ITGA3: variants seen among roughly 807,000 people sequenced by gnomAD.
ITGA3 encodes integrin subunit alpha 3.
ITGA3 carries 70 observed loss-of-function variants against 131.1 expected under a neutral mutation model. The ratio of observed to expected loss-of-function variants is 0.53; its 90% CI spans 0.44 to 0.65. The LOEUF is 0.65. ITGA3 is among the 30% of genes least tolerant of loss of function. The pLI is 0.00. For missense variants in ITGA3, 1,098 were observed against 1,388.6 expected (o/e 0.79, Z 3.33); for synonymous variants, 537 against 571.6 (o/e 0.94, Z 0.86).
At position 50,070,882 on chromosome 17, in the gene ITGA3, T is replaced by C. The variant is rs539540896; in HGVS notation, c.703T>C (p.Ser235Pro). The C allele has an allele frequency of 5.0e-6, 8 of 1,612,796 alleles. No homozygotes were observed. The South Asian group carries it at 5.5e-5, about 11-fold the overall frequency. The change falls in exon 5 of 26, where the codon TCT (serine) becomes CCT (proline). Residue 235 changes from serine (S) to proline (P), a missense_variant. Ser to Pro is a moderately conservative substitution (Grantham distance 74). Coordinates refer to ENST00000320031, the MANE Select transcript of ITGA3 (RefSeq NM_002204.4). ...YMIQRKEWDLSEYSYKDPEDQ... is the reference protein window; with the variant it reads ...YMIQRKEWDLPEYSYKDPEDQ... ...GATTCAGCGCAAGGAGTGGGACTTA[T>C]CTGAGTATAGTTACAAGGACCCAGA...
intron 18 of ITGA3, 92 bp downstream of exon 18, chr17:50,078,376 C>G: frequency 9.9e-7 from 1 of 1,005,398 alleles, no homozygotes; most frequent in Non-Finnish European, 1.5e-6. Context: ...TCCTCTGACC[C>G]CTCTCTTGGC....
At chr17:50,060,284 C>T (rs763298924) in intron 1 of ITGA3, among the ~76,000 whole-genome samples, 6 of 152,220 alleles carry the variant, frequency 3.9e-5, no homozygotes, top group Non-Finnish European at 5.9e-5. Flanking sequence ...CATGGAGCCA[C>T]CAAGTGCCTC....
rs145299418 is a variant in ITGA3, at chr17:50,070,742, T to C, written c.665-102T>C. The stretch of plus-strand genomic sequence containing the variant: ...TCACCAATAAAAGGGGTTATTACTA[T>C]CCTTGTTGGGTGGGGGTGGGGGTGG... On this transcript the variant is annotated intron_variant, in intron 4 of 25. Coordinates refer to ENST00000320031, the MANE Select transcript of ITGA3 (RefSeq NM_002204.4). The C allele has an allele frequency of 8.5e-5, 53 of 623,226 alleles. 1 individual carries two copies. The African/African-American group carries it at 8.7e-4, about 10-fold the overall frequency. The allele number at this position is 623,226 out of a possible 1,614,324, so 38.6% of individuals were successfully genotyped here.
rs780510840 is a variant in ITGA3 at position 50,074,245 on chromosome 17, A to G, written c.1347A>G (p.Leu449=). 8.7e-6 allele frequency: 14 copies of G among 1,614,076 alleles called. No individual in the cohort carries two copies. In the East Asian group the frequency reaches 2.2e-4, roughly 26 times the overall value. The change falls in exon 9 of 26, where the codon CTA becomes CTG. Residue 449 remains leucine, a synonymous_variant. Transcript: ENST00000320031. ...DVDENFYPDL[L]VGSLSDHIVL... ...ATGAGAACTTCTACCCAGACCTTCT[A>G]GTGGGAAGCCTGTCAGACCACATTG...
intron 17 of ITGA3, 27 bp downstream of exon 17, chr17:50,078,152 G>A: frequency 1.9e-6 from 3 of 1,613,124 alleles, no homozygotes; most frequent in Non-Finnish European, 2.5e-6. Context: ...AGCCAGTCTG[G>A]GTCAGGGCTG....
chr17:50,064,582 G>A lies in ITGA3; in HGVS notation c.389G>A (p.Ser130Asn). 1 of 1,613,006 alleles carries A rather than the reference G, an allele frequency of 6.2e-7. No homozygotes were observed. The highest frequency in any genetic ancestry group is 8.5e-7 in the Non-Finnish European group (1 of 1,179,774). Residue 130 changes from serine (S) to asparagine (N), a missense_variant, in exon 3 of 26, where the codon AGC becomes AAC. By Grantham distance (46) the Ser-to-Asn change is conservative (BLOSUM62 1). This residue lies in a region of ITGA3 where 356 missense variants were observed against 529.2 expected (regional missense o/e 0.67). Coordinates refer to ENST00000320031, the MANE Select transcript of ITGA3 (RefSeq NM_002204.4). This position sits in a 1 kb window ranked among gnomAD's most constrained non-coding sequence, Gnocchi z 4.4. Reference sequence around the variant, plus strand: ...ATGTGGCTTGGAGTGACTGTGGCCAGCCAGGGCCCTGCAGGCAGAGTTCTG... The same window carrying A: ...ATGTGGCTTGGAGTGACTGTGGCCAACCAGGGCCCTGCAGGCAGAGTTCTG... ...EDMWLGVTVA[S>N]QGPAGRVLVC...
intron 6 of ITGA3, 90 bp downstream of exon 6, chr17:50,071,608 C>T: frequency 2.5e-6 from 3 of 1,216,252 alleles, no homozygotes; most frequent in East Asian, 2.5e-5. Flanking sequence ...GGAGGATTTG[C>T]AGTTGTGCGG....
intron 15 of ITGA3, 104 bp downstream of exon 15, chr17:50,077,225 C>G: frequency 7.5e-7 from 1 of 1,326,826 alleles, no homozygotes; most frequent in African/African-American, 1.5e-5. Context: ...ACGTGCCCAC[C>G]TCCTCTGGTC....
At chr17:50,073,593 A>AACACACACACACAC (rs71146961) in intron 7 of ITGA3, among the ~76,000 whole-genome samples, 1 of 144,160 alleles carries the variant, frequency 6.9e-6, no homozygotes, top group African/African-American at 2.6e-5. Context: ...ACTGTCTATA[A>AACACACACACACAC]ACACACACAC....
rs1209895843 is a variant in ITGA3, at chr17:50,056,476, C to T, written c.37C>T (p.Arg13Cys). The change falls in exon 1 of 26, where the codon CGC (arginine) becomes TGC (cysteine). Residue 13 changes from arginine (R) to cysteine (C), a missense_variant. Around this residue, in one of 3 missense-constraint regions of ITGA3, gnomAD observed 43 missense variants for 30.3 expected, o/e 1.42. Transcript: ENST00000320031. The surrounding 1 kb of genome is among the most constrained non-coding windows in gnomAD (Gnocchi z 5.6). ...CCCCAGCCGCGCGCCCCGCGCCCCA[C>T]GCCTGATGCTCTGTGCGCTCGCCTT... ...PGPSRAPRAP[R>C]LMLCALALMV... 1.3e-6 allele frequency: 2 copies of T among 1,547,850 alleles called. No individual in the cohort carries two copies. Among genetic ancestry groups the T allele is most frequent in the South Asian group, 2.4e-5 (2 of 83,858 alleles).
rs1376557402 is a variant in ITGA3, at chr17:50,068,501, CT to C, written c.664+202del. ...CCTTACGCATATTATGTCAATCAAT[CT>C]TTTTTGTTGTTTTTTTGACATAGGG... is the stretch of plus-strand genomic sequence containing the variant. On this transcript the variant is annotated intron_variant, in intron 4 of 25. Coordinates refer to ENST00000320031, the MANE Select transcript of ITGA3 (RefSeq NM_002204.4). Among the ~76,000 whole-genome samples the C allele has an allele frequency of 5.9e-5, 9 of 152,102 alleles. 1 individual carries two copies. Among genetic ancestry groups the C allele is most frequent in the Admixed American group, 5.9e-4 (9 of 15,260 alleles).
chr17:50,061,145 G>T (rs1017324844), intron 1 of ITGA3, among the ~76,000 whole-genome samples: 1 of 152,132 alleles, frequency 6.6e-6, no homozygotes, highest in Non-Finnish European at 1.5e-5. Context: ...TGAAGCGGGG[G>T]CTCACTCTGG....
chr17:50,071,953 C>A, intron 6 of ITGA3, 33 bp from the exon 7 acceptor site: 1 of 1,583,978 alleles, frequency 6.3e-7, no homozygotes, highest in South Asian at 1.1e-5. Flanking sequence ...GGAGGCTGAC[C>A]TCACACTCCC....
Position 50,080,254 on chromosome 17 carries a change from C to T in ITGA3, c.2707-8C>T, listed in dbSNP as rs377664197. 170 of 1,557,908 alleles carry T rather than the reference C, an allele frequency of 1.1e-4. No homozygotes were observed. In the African/African-American group the frequency reaches 1.8e-3, roughly 16 times the overall value. On this transcript the variant is annotated splice_polypyrimidine_tract_variant and splice_region_variant and intron_variant, in intron 21 of 25. Coordinates refer to ENST00000320031, the MANE Select transcript of ITGA3 (RefSeq NM_002204.4). ...TATGTCACGTCTTGCGTTCCCTGCCCGCCTCAGACCTGTGCCACAGGGCGT... is the reference window on the plus strand; with the variant it reads ...TATGTCACGTCTTGCGTTCCCTGCCTGCCTCAGACCTGTGCCACAGGGCGT...
chr17:50,062,315 C>T (rs1193837278), intron 1 of ITGA3, among the ~76,000 whole-genome samples: 43 of 152,208 alleles, frequency 2.8e-4, no homozygotes, highest in Non-Finnish European at 4.4e-5. Context: ...AGAACAAACC[C>T]TAGACCCAGG....
intron 23 of ITGA3, among the ~76,000 whole-genome samples, chr17:50,082,598 T>C (rs897307370): frequency 1.3e-5 from 2 of 152,126 alleles, no homozygotes; most frequent in African/African-American, 4.8e-5. Flanking sequence ...AGGTATTAGC[T>C]ACCACACCTG....
intron 3 of ITGA3, among the ~76,000 whole-genome samples, chr17:50,066,670 G>A (rs1420882477): frequency 1.3e-5 from 2 of 152,050 alleles, no homozygotes; most frequent in African/African-American, 2.4e-5. Flanking sequence ...AGCTGCCTGG[G>A]AGGCTGAGGT....
At chr17:50,076,043 C>T (rs1908874992) in intron 12 of ITGA3, among the ~76,000 whole-genome samples, 1 of 152,116 alleles carries the variant, frequency 6.6e-6, no homozygotes, top group South Asian at 2.1e-4. Flanking sequence ...AGGTCAGTCC[C>T]TCTCTGGGAC....
intron 23 of ITGA3, among the ~76,000 whole-genome samples, chr17:50,084,744 A>G (rs1909316294): frequency 6.6e-6 from 1 of 151,990 alleles, no homozygotes; most frequent in South Asian, 2.1e-4. Flanking sequence ...ACAAAGTGAG[A>G]CCCATCTCTA....
Sources: allele counts gnomAD v4.1 joint callset (sites outside exome capture counted in the v4.1 genomes callset), GRCh38; gene constraint gnomAD v4.1.1; regional missense constraint gnomAD v4.1.1; non-coding constraint Gnocchi (gnomAD v3.1); transcripts MANE v1.5; gene names NCBI Gene and HGNC (gene_info 2026-07-23, HGNC 2026-07-21).